The following ARHGAP10 variants were observed in gnomAD, a reference collection of about 807,000 sequenced individuals.
The protein encoded by ARHGAP10 is rho GTPase-activating protein 10.
Under a neutral mutation model 108.6 loss-of-function variants are expected in ARHGAP10, and 87 were observed. The observed-to-expected ratio is 0.80, with a 90% confidence interval of 0.67 to 0.96. The LOEUF (loss-of-function observed/expected upper bound fraction) is 0.96. Ranked by LOEUF, ARHGAP10 falls within the 40% of genes least tolerant of loss-of-function variation. ARHGAP10 has a pLI of 0.00. For synonymous variants in ARHGAP10, 347 were observed against 341.1 expected, an observed-to-expected ratio of 1.02 and a Z score of -0.19; for missense variants, 939 against 954.5, an observed-to-expected ratio of 0.98 and a Z score of 0.21.
At chr4:147,896,020 TA>T (rs1217502822) in intron 10 of ARHGAP10, among the ~76,000 whole-genome samples, 1 of 152,240 alleles carries the variant, frequency 6.6e-6, no homozygotes, top group African/African-American at 2.4e-5. Flanking sequence ...GGATGTGAAT[TA>T]CACTGAATTT....
chr4:147,935,305 C>T (rs909198133), intron 13 of ARHGAP10, among the ~76,000 whole-genome samples: 18 of 152,094 alleles, frequency 1.2e-4, no homozygotes, highest in Non-Finnish European at 1.6e-4. Flanking sequence ...AATGGGGATC[C>T]AGGGGACATT....
intron 1 of ARHGAP10, among the ~76,000 whole-genome samples, chr4:147,788,798 G>C (rs1196242773): frequency 1.3e-5 from 2 of 152,168 alleles, no homozygotes; most frequent in Non-Finnish European, 2.9e-5. Flanking sequence ...AGATTCCCAT[G>C]ACACCAGGAA....
At chr4:147,757,714 G>GT (rs1257872587) in intron 1 of ARHGAP10, among the ~76,000 whole-genome samples, 1 of 152,214 alleles carries the variant, frequency 6.6e-6, no homozygotes, top group Non-Finnish European at 1.5e-5. Context: ...GCACACCTGG[G>GT]TACTTAACCT....
chr4:147,838,123 T>C (rs918070454), intron 3 of ARHGAP10, among the ~76,000 whole-genome samples: 1 of 152,160 alleles, frequency 6.6e-6, no homozygotes, highest in Non-Finnish European at 1.5e-5. Flanking sequence ...TCTTGGCACC[T>C]TTGAGATTAG....
intron 10 of ARHGAP10, among the ~76,000 whole-genome samples, chr4:147,904,630 G>T (rs373768423): frequency 2.6e-5 from 4 of 152,004 alleles, no homozygotes; most frequent in Non-Finnish European, 5.9e-5. Flanking sequence ...CCAGTCTATC[G>T]TTGTTGGACA....
intron 7 of ARHGAP10, among the ~76,000 whole-genome samples, chr4:147,874,421 C>T (rs1336727813): frequency 6.6e-6 from 1 of 152,166 alleles, no homozygotes; most frequent in Admixed American, 6.5e-5. Context: ...TGATTTGTCT[C>T]TTCAGATATC....
rs187834825 is a variant in ARHGAP10 at position 147,877,714 on chromosome 4, G to A, written c.833-1518G>A. Among the ~76,000 whole-genome samples, 7 of 152,192 alleles carry A rather than the reference G, an allele frequency of 4.6e-5. No individual in the cohort carries two copies. In the East Asian group the frequency reaches 1.4e-3, roughly 29 times the overall value. ...ACAGCATTGTCCTGTGAGCCCTGAT[G>A]GTGGTACTGCTGACTTAGTAAGAGT... On this transcript the variant is annotated intron_variant, in intron 8 of 22. Transcript: ENST00000336498.
At chr4:148,008,344 A>C (rs889405968) in intron 18 of ARHGAP10, among the ~76,000 whole-genome samples, 1 of 152,054 alleles carries the variant, frequency 6.6e-6, no homozygotes, top group Non-Finnish European at 1.5e-5. Context: ...CAGTTACTGA[A>C]TTAGAGCTCT....
At chr4:148,042,156 C>A (rs1220092145) in intron 19 of ARHGAP10, among the ~76,000 whole-genome samples, 1 of 152,180 alleles carries the variant, frequency 6.6e-6, no homozygotes, top group Non-Finnish European at 1.5e-5. Context: ...TTTTTATTCC[C>A]TATTTCAGTT....
intron 1 of ARHGAP10, among the ~76,000 whole-genome samples, chr4:147,766,822 ATATATATATATATATATTTATT>A (rs1475943163): frequency 1.6e-4 from 2 of 12,158 alleles, no homozygotes; most frequent in African/African-American, 1.8e-4. Context: ...ATATATATAT[ATATATATATATATATATTTATT>A]TATTTATTTA....
intron 10 of ARHGAP10, among the ~76,000 whole-genome samples, chr4:147,905,094 G>A (rs546698368): frequency 6.6e-6 from 1 of 152,016 alleles, no homozygotes; most frequent in Non-Finnish European, 1.5e-5. Context: ...TTTTTTTCTT[G>A]TAAATTTATT....
intron 18 of ARHGAP10, among the ~76,000 whole-genome samples, chr4:148,017,390 C>A (rs1178988446): frequency 1.3e-5 from 2 of 152,076 alleles, no homozygotes; most frequent in South Asian, 2.1e-4. Flanking sequence ...TCAAATAATT[C>A]ATTCCAAAAC....
chr4:148,049,712 A>G (rs546568402), intron 20 of ARHGAP10, among the ~76,000 whole-genome samples: 1 of 152,078 alleles, frequency 6.6e-6, no homozygotes, highest in South Asian at 2.1e-4. Flanking sequence ...TTTGCCTTTT[A>G]GTATTATTTG....
Position 148,072,088 on chromosome 4 carries a change from GC to G in ARHGAP10, c.*9del, listed in dbSNP as rs765444624. 6.2e-7 allele frequency: 1 copy of G among 1,608,976 alleles called. No homozygotes were observed. The highest frequency in any genetic ancestry group is 1.3e-5 in the African/African-American group (1 of 74,732). On this transcript the variant is annotated 3_prime_UTR_variant, in exon 23 of 23. Coordinates refer to ENST00000336498, the MANE Select transcript of ARHGAP10 (RefSeq NM_024605.4). Reference sequence around the variant, plus strand: ...CTACGTCAAGCTGCTGTAGCTCCTGGCCTCAGAGCCCCTGCTGACCCTGGCA... The same window carrying G: ...CTACGTCAAGCTGCTGTAGCTCCTGGCTCAGAGCCCCTGCTGACCCTGGCA...
At chr4:147,900,874 C>T (rs963779513) in intron 10 of ARHGAP10, among the ~76,000 whole-genome samples, 1 of 152,098 alleles carries the variant, frequency 6.6e-6, no homozygotes, top group Non-Finnish European at 1.5e-5. Flanking sequence ...TGTTATTTTG[C>T]CCAGGCTGGT....
At chr4:148,065,979 CAAA>C (rs34551897) in intron 22 of ARHGAP10, among the ~76,000 whole-genome samples, 1 of 98,584 alleles carries the variant, frequency 1.0e-5, no homozygotes, top group Non-Finnish European at 1.9e-5. Context: ...GACCCCATCT[CAAA>C]AAAAAAAAAA....
intron 16 of ARHGAP10, among the ~76,000 whole-genome samples, chr4:147,963,013 A>G (rs1240884771): frequency 6.6e-6 from 1 of 152,004 alleles, no homozygotes; most frequent in Admixed American, 6.6e-5. Flanking sequence ...TTTCCTCCTA[A>G]TTAGTTCTTT....
intron 13 of ARHGAP10, among the ~76,000 whole-genome samples, chr4:147,934,330 C>T (rs1201230104): frequency 1.3e-5 from 2 of 152,142 alleles, no homozygotes; most frequent in Non-Finnish European, 2.9e-5. Flanking sequence ...AGTGACCCTC[C>T]CAGGTCTTGG....
At chr4:147,790,001 T>C (rs933681123) in intron 1 of ARHGAP10, among the ~76,000 whole-genome samples, 8 of 144,014 alleles carry the variant, frequency 5.6e-5, no homozygotes, top group Admixed American at 3.3e-4. Context: ...ATTTTTTTTT[T>C]TTTTTTTTTT....
Sources: gnomAD v4.1 joint callset for allele counts (sites outside exome capture counted in the v4.1 genomes callset) on GRCh38, gnomAD v4.1.1 for gene constraint, MANE v1.5 for transcripts, NCBI Gene and HGNC (gene_info 2026-07-23, HGNC 2026-07-21) for gene names.